Variants in GMIP observed in about 807,000 individuals in gnomAD.
GMIP encodes the protein GEM interacting protein, also known as GEM-interacting protein.
In GMIP, 54 loss-of-function variants were observed where a neutral mutation model predicts 105.3. The observed-to-expected ratio is 0.51, with a 90% CI of 0.41 to 0.64. GMIP has a LOEUF of 0.64. GMIP is among the 30% of genes least tolerant of loss of function. The pLI is 0.00. For synonymous variants in GMIP, 541 were observed against 560.8 expected (o/e 0.96, Z 0.50); for missense variants, 1,110 against 1,319.4 (o/e 0.84, Z 2.46).
chr19:19,639,999 A>C, intron 7 of GMIP, 86 bp downstream of exon 7: 3 of 732,286 alleles, frequency 4.1e-6, no homozygotes, highest in Non-Finnish European at 7.0e-6. Flanking sequence ...CCTTCCTCCC[A>C]GCTTGCTGGG....
chr19:19,630,108 C>T lies in GMIP; in HGVS notation c.2768G>A (p.Ser923Asn), dbSNP rs771796330. The change falls in exon 21 of 21, where the codon AGC becomes AAC. Residue 923 changes from serine to asparagine, a missense_variant. Around this residue, in one of 3 missense-constraint regions of GMIP, gnomAD observed 394 missense variants for 450.5 expected, o/e 0.87. Transcript: ENST00000203556. The surrounding 1 kb of genome is among the most constrained non-coding windows in gnomAD (Gnocchi z 4.8). ...GGGCAGCGGGGTGCGGCGCAGGGGG[C>T]TGCCCTCAGGGGAGGCAGCTGCAGG... ...PSPAAASPEGSPLRRTPLPKH... is the reference protein window; with the variant it reads ...PSPAAASPEGNPLRRTPLPKH... 6.2e-7 allele frequency: 1 copy of T among 1,609,212 alleles called. No individual in the cohort carries two copies. Among genetic ancestry groups the T allele is most frequent in the Non-Finnish European group, 8.5e-7 (1 of 1,177,844 alleles).
rs991930064 is a variant in GMIP at position 19,636,932 on chromosome 19, C to T, written c.1222G>A (p.Gly408Ser). Residue 408 changes from glycine to serine, a missense_variant, in exon 12 of 21, where the codon GGC becomes AGC. Gly to Ser is a moderately conservative substitution (Grantham distance 56, BLOSUM62 0). Transcript: ENST00000203556. ...TTGCACTCACCTTGCCAGCGCCAGCCTGTGCCCGGATCCTCCCAAGGGCCT... is the reference window on the plus strand; with the variant it reads ...TTGCACTCACCTTGCCAGCGCCAGCTTGTGCCCGGATCCTCCCAAGGGCCT... ...EPGPWEDPGT[G>S]WRWQGTPGPT... 1 of 1,580,532 alleles carries T rather than the reference C, an allele frequency of 6.3e-7. No individual in the cohort carries two copies. The highest frequency in any genetic ancestry group is 8.6e-7 in the Non-Finnish European group (1 of 1,162,484).
chr19:19,636,671 G>T, intron 13 of GMIP, 36 bp downstream of exon 13: 1 of 1,460,470 alleles, frequency 6.8e-7, no homozygotes, highest in Non-Finnish European at 9.6e-7. Context: ...GATGGTCACA[G>T]GTGGAGTGTG....
chr19:19,636,740 A>T lies in GMIP; in HGVS notation c.1294T>A (p.Ser432Thr), dbSNP rs760804694. The T allele has an allele frequency of 5.0e-6, 8 of 1,613,356 alleles. No individual in the cohort carries two copies. The East Asian group carries it at 1.1e-4, about 22-fold the overall frequency. ...GAAGTGGGTGAGTCCAGGGACCGAGACTCGCTGCCGCCACCCACGCTGTCC... is the reference window on the plus strand; with the variant it reads ...GAAGTGGGTGAGTCCAGGGACCGAGTCTCGCTGCCGCCACCCACGCTGTCC... Reference protein sequence around the residue: ...DVDSVGGGSESRSLDSPTSSP... With the variant: ...DVDSVGGGSETRSLDSPTSSP... The change falls in exon 13 of 21, where the codon TCT (serine) becomes ACT (threonine). Residue 432 changes from serine to threonine, a missense_variant. Ser to Thr is a moderately conservative substitution (Grantham distance 58, BLOSUM62 1). Coordinates refer to ENST00000203556, the MANE Select transcript of GMIP (RefSeq NM_016573.4).
In GMIP at chr19:19,634,187, C is replaced by T. The variant is rs765570909; in HGVS notation, c.2088G>A (p.Val696=). 3.1e-6 allele frequency: 5 copies of T among 1,593,168 alleles called. No individual in the cohort carries two copies. In the South Asian group the frequency reaches 5.6e-5, roughly 18 times the overall value. The change falls in exon 19 of 21, where the codon GTG becomes GTA. Residue 696 remains valine, a synonymous_variant. Transcript: ENST00000203556. The surrounding 1 kb of genome is among the most constrained non-coding windows in gnomAD (Gnocchi z 6.1). Reference sequence around the variant, plus strand: ...TCTTGTTTTCCATAAATCGTGCAGCCACCCTGGGGATGGTGTGAAGAGAAA... The same window carrying T: ...TCTTGTTTTCCATAAATCGTGCAGCTACCCTGGGGATGGTGTGAAGAGAAA... ...LRHLVAHLFR[V]AARFMENKMS... is the part of the protein sequence containing the mutation.
In GMIP at chr19:19,640,805, G is replaced by A. The variant is rs1315836418; in HGVS notation, c.239-234C>T. 2.0e-5 allele frequency among the ~76,000 whole-genome samples: 3 copies of A among 151,924 alleles called. No individual in the cohort carries two copies. In the East Asian group the frequency reaches 5.8e-4, roughly 29 times the overall value. ...TTTGAGACTGTGTTTCGCTCTTGTT[G>A]CCCAGGCTAGAGTGCAATGGCGCGA... On this transcript the variant is annotated intron_variant, in intron 4 of 20. Transcript: ENST00000203556.
rs200431970 is a variant in GMIP at position 19,638,218 on chromosome 19, G to T, written c.730C>A (p.Pro244Thr). 1.3e-6 allele frequency: 2 copies of T among 1,598,698 alleles called. No homozygotes were observed. Among genetic ancestry groups the T allele is most frequent in the Non-Finnish European group, 1.7e-6 (2 of 1,178,404 alleles). The change falls in exon 9 of 21, where the codon CCG becomes ACG. Residue 244 changes from proline to threonine, a missense_variant. Around this residue, in one of 3 missense-constraint regions of GMIP, gnomAD observed 667 missense variants for 773.2 expected, o/e 0.86. Coordinates refer to ENST00000203556, the MANE Select transcript of GMIP (RefSeq NM_016573.4). Reference protein sequence around the residue: ...SPEDSAPQASPGPSKQQERRR... With the variant: ...SPEDSAPQASTGPSKQQERRR... ...CGCTCCTGCTGCTTGCTAGGTCCCGGCGAGGCCTGGGGGGCCGAGTCCTCA... is the reference window on the plus strand; with the variant it reads ...CGCTCCTGCTGCTTGCTAGGTCCCGTCGAGGCCTGGGGGGCCGAGTCCTCA...
chr19:19,640,828 C>T (rs1233315086), intron 4 of GMIP, among the ~76,000 whole-genome samples: 4 of 152,102 alleles, frequency 2.6e-5, no homozygotes, highest in East Asian at 1.9e-4. Context: ...TGCAATGGCG[C>T]GATTTTGGCT....
rs761273049 is a variant in GMIP at position 19,640,097 on chromosome 19, T to C, written c.525A>G (p.Arg175=). The C allele has an allele frequency of 6.2e-7, 1 of 1,604,952 alleles. No individual in the cohort carries two copies. The highest frequency in any genetic ancestry group is 8.5e-7 in the Non-Finnish European group (1 of 1,171,788). The change falls in exon 7 of 21, where the codon AGA becomes AGG. Residue 175 remains arginine (R), a synonymous_variant. Transcript: ENST00000203556. ...CTGCCCCCCTCACCTGGTAGTAGTC[T>C]CTTTTCTGCTGGGCCACTGTCTCCA... ...LAMETVAQQK[R]DYYQPLAAKR... is the part of the protein sequence containing the mutation.
chr19:19,638,630 C>T (rs1488649735), intron 7 of GMIP, 148 bp from the exon 8 acceptor site: 2 of 661,176 alleles, frequency 3.0e-6, no homozygotes, highest in Admixed American at 5.3e-5. Context: ...CTCTTGTTGC[C>T]CAGGTTGGAG....
rs200594143 is a variant in GMIP, at chr19:19,630,097, G to A, written c.2779C>T (p.Arg927Cys). ...AASPEGSPLR[R>C]TPLPKHFEIT... ...TCAAAATGCTTGGGCAGCGGGGTGC[G>A]GCGCAGGGGGCTGCCCTCAGGGGAG... is the stretch of plus-strand genomic sequence containing the variant. Residue 927 changes from arginine (R) to cysteine (C), a missense_variant, in exon 21 of 21, where the codon CGC becomes TGC. Physicochemically the swap from Arg to Cys is radical, Grantham distance 180 (BLOSUM62 -3). This residue lies in a region of GMIP where 394 missense variants were observed against 450.5 expected (regional missense o/e 0.87). Transcript: ENST00000203556. This position sits in a 1 kb window ranked among gnomAD's most constrained non-coding sequence, Gnocchi z 4.8. The A allele has an allele frequency of 4.2e-5, 67 of 1,610,334 alleles. No homozygotes were observed. The highest frequency in any genetic ancestry group is 5.1e-5 in the Non-Finnish European group (60 of 1,178,526).
Position 19,634,495 on chromosome 19 carries a change from A to T in GMIP, c.2084+12T>A. The stretch of plus-strand genomic sequence containing the variant: ...AAGGGTCGCGTTTCAAGGCTCAGGG[A>T]CCCATGCACACCTGAACAGATGGGC... On this transcript the variant is annotated intron_variant, in intron 18 of 20. Coordinates refer to ENST00000203556, the MANE Select transcript of GMIP (RefSeq NM_016573.4). The surrounding 1 kb of genome is among the most constrained non-coding windows in gnomAD (Gnocchi z 6.1). The T allele has an allele frequency of 6.3e-7, 1 of 1,590,214 alleles. No individual in the cohort carries two copies. The highest frequency in any genetic ancestry group is 8.5e-7 in the Non-Finnish European group (1 of 1,172,164).
chr19:19,631,178 G>A (rs984740919), intron 19 of GMIP, among the ~76,000 whole-genome samples: 8 of 152,066 alleles, frequency 5.3e-5, no homozygotes, highest in Non-Finnish European at 1.2e-4. Context: ...TCCAGTCTGG[G>A]TGACAGAATG....
At chr19:19,643,328 G>A in intron 1 of GMIP, 183 bp downstream of exon 1, 1 of 493,140 alleles carries the variant, frequency 2.0e-6, no homozygotes, top group Non-Finnish European at 3.7e-6. Context: ...GGGAGGGGGA[G>A]TGAAGGGCTG....
chr19:19,637,131 G>A lies in GMIP; in HGVS notation c.1125-102C>T. On this transcript the variant is annotated intron_variant, in intron 11 of 20. Coordinates refer to ENST00000203556, the MANE Select transcript of GMIP (RefSeq NM_016573.4). This position sits in a 1 kb window ranked among gnomAD's most constrained non-coding sequence, Gnocchi z 6.7. ...GTACCAACTCCAAGCACTTGGGTCT[G>A]CAAACCCTGACACCCAGGGCATTGT... is the stretch of plus-strand genomic sequence containing the variant. 1 of 778,470 alleles carries A rather than the reference G, an allele frequency of 1.3e-6. No individual in the cohort carries two copies. Among genetic ancestry groups the A allele is most frequent in the Non-Finnish European group, 2.1e-6 (1 of 472,574 alleles). The allele number at this position is 778,470 out of a possible 1,614,324, so 48.2% of individuals were successfully genotyped here. A position where few individuals can be genotyped will look rare whatever the true frequency, so the allele number is the denominator to read the frequency against.
At position 19,637,908 on chromosome 19, in the gene GMIP, G is replaced by A. The variant is rs2061872872; in HGVS notation, c.927+12C>T. On this transcript the variant is annotated intron_variant, in intron 10 of 20. Transcript: ENST00000203556. The surrounding 1 kb of genome is among the most constrained non-coding windows in gnomAD (Gnocchi z 6.7). ...GGGGTGAGGGGAGGATGGCCTTGGG[G>A]ATGGGCCTCACCCGCCTCAGCACTT... 6.3e-7 allele frequency: 1 copy of A among 1,590,254 alleles called. No individual in the cohort carries two copies. The highest frequency in any genetic ancestry group is 8.6e-7 in the Non-Finnish European group (1 of 1,168,914).
In GMIP at chr19:19,640,427, G is replaced by C; in HGVS notation, c.364+19C>G. 1 of 1,614,112 alleles carries C rather than the reference G, an allele frequency of 6.2e-7. No homozygotes were observed. The highest frequency in any genetic ancestry group is 8.5e-7 in the Non-Finnish European group (1 of 1,180,000). On this transcript the variant is annotated intron_variant, in intron 5 of 20. Transcript: ENST00000203556. Reference sequence around the variant, plus strand: ...TGGGGACTGCCTGGTAACTGGGGCTGGGCGGAAGAGGTCCTCACCATAGCT... The same window carrying C: ...TGGGGACTGCCTGGTAACTGGGGCTCGGCGGAAGAGGTCCTCACCATAGCT...
chr19:19,636,532 CAAAT>C lies in GMIP; in HGVS notation c.1327+171_1327+174del, dbSNP rs1213473900. Reference sequence around the variant, plus strand: ...AATGAGACTGTCTCAAATAAACAAACAAATAAATAAATAAATAATTTTTAAAAAG... The same window carrying C: ...AATGAGACTGTCTCAAATAAACAAACAAATAAATAAATAATTTTTAAAAAG... On this transcript the variant is annotated intron_variant, in intron 13 of 20. Transcript: ENST00000203556. Among the ~76,000 whole-genome samples, 4 of 152,020 alleles carry C rather than the reference CAAAT, an allele frequency of 2.6e-5. No homozygotes were observed. In the East Asian group the frequency reaches 5.8e-4, roughly 22 times the overall value.
intron 19 of GMIP, among the ~76,000 whole-genome samples, chr19:19,633,023 AC>A (rs986290399): frequency 7.2e-6 from 1 of 139,074 alleles, no homozygotes; most frequent in Non-Finnish European, 1.6e-5. Flanking sequence ...TCCACCTCCC[AC>A]CGTGCTGCTC....
Sources: gnomAD v4.1 joint callset for allele counts (sites outside exome capture counted in the v4.1 genomes callset) on GRCh38, gnomAD v4.1.1 for gene constraint, gnomAD v4.1.1 regional missense constraint, Gnocchi (gnomAD v3.1) non-coding constraint, MANE v1.5 for transcripts, NCBI Gene and HGNC (gene_info 2026-07-23, HGNC 2026-07-21) for gene names.